Variants in NSMAF observed in about 807,000 individuals in gnomAD.
NSMAF encodes the protein neutral sphingomyelinase activation associated factor.
In NSMAF, 90 loss-of-function variants were observed where a neutral mutation model predicts 134.9. That is an observed-to-expected ratio of 0.67 (90% CI 0.56 to 0.79). The LOEUF is 0.79. Among genes scored for constraint, NSMAF ranks in the 30% least tolerant of loss-of-function variants. The pLI is 0.00. For missense variants in NSMAF, 1,010 were observed against 1,119.0 expected (o/e 0.90, Z 1.39); for synonymous variants, 358 against 389.6 (o/e 0.92, Z 0.96).
chr8:58,638,095 G>C (rs1008162113), intron 2 of NSMAF, among the ~76,000 whole-genome samples: 3 of 152,158 alleles, frequency 2.0e-5, no homozygotes, highest in African/African-American at 7.2e-5. Context: ...TGTCACCCAG[G>C]CTAGAGTTCA....
chr8:58,585,317 G>GTTATTTTTTTTTTTTTTTTTTTT (rs1554572269), intron 30 of NSMAF, among the ~76,000 whole-genome samples: 3 of 144,330 alleles, frequency 2.1e-5, no homozygotes, highest in African/African-American at 7.7e-5. Context: ...TTGTTTCTGG[G>GTTATTTTTTTTTTTTTTTTTTTT]TTTTTTTTTT....
intron 11 of NSMAF, among the ~76,000 whole-genome samples, chr8:58,606,289 T>C (rs914029489): frequency 6.6e-6 from 1 of 152,230 alleles, no homozygotes; most frequent in Non-Finnish European, 1.5e-5. Context: ...TAAATCACCT[T>C]GAGTGTTGAA....
intron 27 of NSMAF, among the ~76,000 whole-genome samples, chr8:58,587,400 G>A (rs1805909884): frequency 6.6e-6 from 1 of 152,190 alleles, no homozygotes; most frequent in Non-Finnish European, 1.5e-5. Flanking sequence ...AATTCTCAGG[G>A]AAATGTGCAA....
At position 58,595,649 on chromosome 8, in the gene NSMAF, A is replaced by ATGG. The variant is rs1342188580; in HGVS notation, c.1802_1803insCCA (p.Ser601_Phe602insHis). On this transcript the variant is annotated inframe_insertion, in exon 22 of 31. Coordinates refer to ENST00000038176, the MANE Select transcript of NSMAF (RefSeq NM_003580.4). The stretch of plus-strand genomic sequence containing the variant: ...TGCTTTCTTCGGTCAGGTCTTCAAA[A>ATGG]GACTCTTCACCTGGAGAGACGACAT... The ATGG allele has an allele frequency of 6.2e-7, 1 of 1,612,696 alleles. No individual in the cohort carries two copies. Among genetic ancestry groups the ATGG allele is most frequent in the Non-Finnish European group, 8.5e-7 (1 of 1,178,948 alleles).
chr8:58,597,607 C>G (rs1175993755), intron 20 of NSMAF, 57 bp from the exon 21 acceptor site: 48 of 1,504,176 alleles, frequency 3.2e-5, no homozygotes, highest in Non-Finnish European at 4.3e-5. Flanking sequence ...TCCTTGAAAG[C>G]ACGCATTTCA....
intron 30 of NSMAF, among the ~76,000 whole-genome samples, 174 bp from the exon 31 acceptor site, chr8:58,584,374 G>T (rs1805835628): frequency 6.6e-6 from 1 of 152,100 alleles, no homozygotes; most frequent in African/African-American, 2.4e-5. Context: ...AAAAATAATT[G>T]CTTGGTACAA....
intron 9 of NSMAF, among the ~76,000 whole-genome samples, chr8:58,611,260 G>A (rs1040172410): frequency 3.9e-5 from 6 of 152,276 alleles, no homozygotes; most frequent in Middle Eastern, 3.4e-3. Flanking sequence ...ATCAAGAACA[G>A]TCTAGGCATG....
rs759480169 is a variant in NSMAF, at chr8:58,590,058, A to G, written c.2036T>C (p.Leu679Ser). The G allele has an allele frequency of 3.7e-6, 6 of 1,613,542 alleles. No homozygotes were observed. The African/African-American group carries it at 8.0e-5, about 22-fold the overall frequency. ...GACAGTGGCATCTCCTGGTAAAAGT[A>G]AACAAGACGATAAAGCCTGAAATAC... ...SFSNMALSSCLLLPGDATVIT... is the reference protein window; with the variant it reads ...SFSNMALSSCSLLPGDATVIT... The change falls in exon 25 of 31, where the codon TTA (leucine) becomes TCA (serine). Residue 679 changes from leucine (L) to serine (S), a missense_variant. Transcript: ENST00000038176.
rs200276442 is a variant in NSMAF, at chr8:58,587,701, C to G, written c.2212G>C (p.Val738Leu). The part of the protein sequence containing the change: ...YSASWDSTVK[V>L]WSGVPAEMPG... ...ATCTCTGCAGGAACACCAGACCACA[C>G]CTAGGATGGAACATATTGCAGAAGG... Residue 738 changes from valine (V) to leucine (L), a missense_variant and splice_region_variant, in exon 27 of 31, where the codon GTG becomes CTG. Physicochemically the swap from Val to Leu is conservative, Grantham distance 32 (BLOSUM62 1). Coordinates refer to ENST00000038176, the MANE Select transcript of NSMAF (RefSeq NM_003580.4). 3.1e-6 allele frequency: 5 copies of G among 1,613,340 alleles called. No homozygotes were observed. The highest frequency in any genetic ancestry group is 4.2e-6 in the Non-Finnish European group (5 of 1,179,534).
intron 1 of NSMAF, among the ~76,000 whole-genome samples, chr8:58,646,763 G>A (rs192109943): frequency 2.2e-4 from 34 of 151,974 alleles, no homozygotes; most frequent in South Asian, 6.2e-4. Flanking sequence ...TAAAATCACC[G>A]TTTTGTAATT....
At chr8:58,657,494 A>G (rs74378476) in intron 1 of NSMAF, among the ~76,000 whole-genome samples, 3,048 of 152,344 alleles carry the variant, frequency 0.02, 125 homozygotes, top group African/African-American at 0.068. Flanking sequence ...CAAGGGGATA[A>G]ACCCGGAAAA....
chr8:58,599,182 T>C, intron 19 of NSMAF, 50 bp downstream of exon 19: 2 of 1,542,892 alleles, frequency 1.3e-6, no homozygotes, highest in Non-Finnish European at 1.8e-6. Flanking sequence ...AAATGAATAA[T>C]GCTAAATATT....
chr8:58,620,782 G>A (rs566945463), intron 9 of NSMAF, among the ~76,000 whole-genome samples: 2 of 152,278 alleles, frequency 1.3e-5, no homozygotes, highest in South Asian at 2.1e-4. Context: ...GAGGCTGGAG[G>A]AGAAATAATT....
chr8:58,587,698 A>G lies in NSMAF; in HGVS notation c.2215T>C (p.Trp739Arg). 1 of 1,613,854 alleles carries G rather than the reference A, an allele frequency of 6.2e-7. No homozygotes were observed. The highest frequency in any genetic ancestry group is 1.3e-5 in the African/African-American group (1 of 75,052). The change falls in exon 27 of 31, where the codon TGG (tryptophan) becomes CGG (arginine). Residue 739 changes from tryptophan (W) to arginine (R), a missense_variant. Coordinates refer to ENST00000038176, the MANE Select transcript of NSMAF (RefSeq NM_003580.4). ...GGCATCTCTGCAGGAACACCAGACCACACCTAGGATGGAACATATTGCAGA... is the reference window on the plus strand; with the variant it reads ...GGCATCTCTGCAGGAACACCAGACCGCACCTAGGATGGAACATATTGCAGA... ...SASWDSTVKV[W>R]SGVPAEMPGT...
At chr8:58,659,297 A>C (rs59606339) in intron 1 of NSMAF, 114,116 of 1,523,800 alleles carry the variant, frequency 0.075, 13,209 homozygotes, top group East Asian at 0.54. Flanking sequence ...GCACTGCCGG[A>C]TAGCTCGGCA....
Position 58,607,845 on chromosome 8 carries a change from A to G in NSMAF, c.688-5T>C, listed in dbSNP as rs1340629986. The G allele has an allele frequency of 1.2e-6, 2 of 1,611,770 alleles. No homozygotes were observed. Among genetic ancestry groups the G allele is most frequent in the Non-Finnish European group, 1.7e-6 (2 of 1,177,802 alleles). ...TGTTATCTGGACCACAGGTTTCTTT[A>G]AAAGTAGAAAGACAATCTCAAACAT... On this transcript the variant is annotated splice_region_variant and splice_polypyrimidine_tract_variant and intron_variant, in intron 10 of 30. Transcript: ENST00000038176.
intron 22 of NSMAF, 142 bp from the exon 23 acceptor site, chr8:58,594,432 C>A: frequency 1.4e-6 from 1 of 699,854 alleles, no homozygotes; most frequent in South Asian, 1.8e-5. Flanking sequence ...CCAGCATAAA[C>A]CTGCCATTAC....
intron 11 of NSMAF, among the ~76,000 whole-genome samples, chr8:58,607,181 C>T (rs1226244064): frequency 3.3e-5 from 5 of 152,190 alleles, no homozygotes; most frequent in Non-Finnish European, 5.9e-5. Context: ...AATTAAAACA[C>T]TTGGAATCAT....
At chr8:58,622,657 T>A (rs953540071) in intron 9 of NSMAF, among the ~76,000 whole-genome samples, 30 of 152,140 alleles carry the variant, frequency 2.0e-4, no homozygotes, top group African/African-American at 7.2e-4. Context: ...CCTCCCGAAG[T>A]GCTGGGATTA....
Sources: allele counts gnomAD v4.1 joint callset (sites outside exome capture counted in the v4.1 genomes callset), GRCh38; gene constraint gnomAD v4.1.1; transcripts MANE v1.5; gene names NCBI Gene and HGNC (gene_info 2026-07-23, HGNC 2026-07-21).